The following HNRNPU variants were observed in gnomAD, a reference collection of about 807,000 sequenced individuals.
HNRNPU encodes the protein heterogeneous nuclear ribonucleoprotein U.
Under a neutral mutation model 94.7 loss-of-function variants are expected in HNRNPU, and 5 were observed. The observed-to-expected ratio is 0.05, with a 90% CI of 0.03 to 0.11. HNRNPU has a LOEUF of 0.11. HNRNPU is among the 10% of genes least tolerant of loss of function. The pLI is 1.00. For missense variants in HNRNPU, 710 were observed against 1,049.2 expected, an observed-to-expected ratio of 0.68 and a Z score of 4.47; for synonymous variants, 434 against 381.6, an observed-to-expected ratio of 1.14 and a Z score of -1.60.
rs978918523 is a variant in HNRNPU, at chr1:244,860,201, GAAGC to G, written c.1017+130_1017+133del. 2.9e-4 allele frequency: 189 copies of G among 655,232 alleles called. 2 individuals carry two copies. In the African/African-American group the frequency reaches 3.2e-3, roughly 11 times the overall value. 40.6% of individuals were successfully genotyped at this position (655,232 alleles called of 1,614,324 possible). ...TCTAGTCCGAGCTACTTGAGAGACT[GAAGC>G]AAGGAGAATCGCTTGAACCCAGGAC... On this transcript the variant is annotated intron_variant, in intron 4 of 13. Coordinates refer to ENST00000640218, the MANE Select transcript of HNRNPU (RefSeq NM_031844.3).
intron 3 of HNRNPU, 189 bp from the exon 4 acceptor site, chr1:244,860,663 GT>G: frequency 1.7e-6 from 1 of 588,982 alleles, no homozygotes; most frequent in East Asian, 2.9e-5. Flanking sequence ...GTTAAATTAT[GT>G]ACTGAAAAGT....
chr1:244,862,180 T>C (rs1680849209), intron 3 of HNRNPU: 1 of 339,294 alleles, frequency 2.9e-6, no homozygotes, highest in South Asian at 6.4e-5. Context: ...AAGTTTCCGT[T>C]AGCTAGTCAA....
At chr1:244,862,823 T>A in intron 1 of HNRNPU, 93 bp from the exon 2 acceptor site, 1 of 860,158 alleles carries the variant, frequency 1.2e-6, no homozygotes, top group Non-Finnish European at 2.0e-6. Flanking sequence ...GACTTTATCC[T>A]GCTTTTTAAC....
In HNRNPU at chr1:244,864,351, C is replaced by T. The variant is rs1318271444; in HGVS notation, c.-44G>A. 1.3e-6 allele frequency: 2 copies of T among 1,595,420 alleles called. No individual in the cohort carries two copies. The highest frequency in any genetic ancestry group is 2.7e-5 in the African/African-American group (2 of 73,338). ...CCGCTAGGCGCTGCCTCAAACTCGGCTCCGCTCACTCGGCCACTGGTGGCG... is the reference window on the plus strand; with the variant it reads ...CCGCTAGGCGCTGCCTCAAACTCGGTTCCGCTCACTCGGCCACTGGTGGCG... On this transcript the variant is annotated 5_prime_UTR_variant, in exon 1 of 14. Coordinates refer to ENST00000640218, the MANE Select transcript of HNRNPU (RefSeq NM_031844.3).
At chr1:244,855,175 T>C (rs1680645423) in intron 12 of HNRNPU, 131 bp from the exon 13 acceptor site, 4 of 772,976 alleles carry the variant, frequency 5.2e-6, no homozygotes, top group African/African-American at 1.7e-5. Flanking sequence ...ACACAAATTC[T>C]GGATACCCTC....
chr1:244,857,868 A>C (rs757278669), intron 7 of HNRNPU, 143 bp downstream of exon 7: 3 of 1,301,508 alleles, frequency 2.3e-6, no homozygotes, highest in Admixed American at 2.4e-5. Flanking sequence ...AACAGTCAAC[A>C]TAAGGGGGAA....
Position 244,858,239 on chromosome 1 carries a change from A to C in HNRNPU, c.1266T>G (p.Ala422=), listed in dbSNP as rs1680731392. 1 of 1,613,934 alleles carries C rather than the reference A, an allele frequency of 6.2e-7. No homozygotes were observed. The highest frequency in any genetic ancestry group is 1.7e-5 in the Admixed American group (1 of 60,004). ...FESDEVELSY[A]KNGQDLGVAF... is the part of the protein sequence containing the mutation. ...CAACGCCAAGATCTTGTCCATTCTT[A>C]GCATACGAGAGTTCTACTTCATCAC... is the stretch of plus-strand genomic sequence containing the variant. Residue 422 remains alanine, a synonymous_variant, in exon 7 of 14, where the codon GCT becomes GCG. Coordinates refer to ENST00000640218, the MANE Select transcript of HNRNPU (RefSeq NM_031844.3).
At chr1:244,862,364 A>G in intron 3 of HNRNPU, 97 bp downstream of exon 3, 1 of 822,088 alleles carries the variant, frequency 1.2e-6, no homozygotes, top group Non-Finnish European at 1.9e-6. Flanking sequence ...AAACTAACCC[A>G]AGTTTTGCTG....
rs945929804 is a variant in HNRNPU, at chr1:244,858,822, A to G, written c.1137T>C (p.Tyr379=). Residue 379 remains tyrosine (Y), a synonymous_variant, in exon 6 of 14, where the codon TAT becomes TAC. Coordinates refer to ENST00000640218, the MANE Select transcript of HNRNPU (RefSeq NM_031844.3). ...TTTTTATTCCTTTTAGAGAATACCC[A>G]TAAGAAAATTCTTCTTCACCTAAGA... ...GMLLGEEEFS[Y]GYSLKGIKTC... is the part of the protein sequence containing the mutation. 2.6e-6 allele frequency: 4 copies of G among 1,530,346 alleles called. No individual in the cohort carries two copies. The highest frequency in any genetic ancestry group is 1.4e-5 in the African/African-American group (1 of 73,054). 94.8% of individuals were successfully genotyped at this position (1,530,346 alleles called of 1,614,324 possible). A position where few individuals can be genotyped will look rare whatever the true frequency, so the allele number is the denominator to read the frequency against.
In HNRNPU at chr1:244,864,370, G is replaced by A; in HGVS notation, c.-63C>T. ...ACTCGGCTCCGCTCACTCGGCCACT[G>A]GTGGCGGCTGCTGCGGCTGCTCCTC... On this transcript the variant is annotated 5_prime_UTR_variant, in exon 1 of 14. Transcript: ENST00000640218. 3 of 1,587,752 alleles carry A rather than the reference G, an allele frequency of 1.9e-6. No individual in the cohort carries two copies. Among genetic ancestry groups the A allele is most frequent in the East Asian group, 4.5e-5 (2 of 44,068 alleles).
At chr1:244,861,982 GAAC>G (rs1680842936) in intron 3 of HNRNPU, 1 of 153,122 alleles carries the variant, frequency 6.5e-6, no homozygotes, top group Admixed American at 6.5e-5. Flanking sequence ...CTGGAATTGA[GAAC>G]AAAAGAGCAG....
rs1680639034 is a variant in HNRNPU at position 244,854,895 on chromosome 1, A to G, written c.2424+78T>C. 5 of 1,152,032 alleles carry G rather than the reference A, an allele frequency of 4.3e-6. No individual in the cohort carries two copies. The East Asian group carries it at 1.2e-4, about 27-fold the overall frequency. 71.4% of individuals were successfully genotyped at this position (1,152,032 alleles called of 1,614,324 possible). On this transcript the variant is annotated intron_variant, in intron 13 of 13. Coordinates refer to ENST00000640218, the MANE Select transcript of HNRNPU (RefSeq NM_031844.3). ...TTATAAACACTTCAATCCCTGAACA[A>G]GATCTTTTTCAAGACTGATAAATCT...
At position 244,851,150 on chromosome 1, in the gene HNRNPU, A is replaced by AAG. The variant is rs1258976493; in HGVS notation, c.*3298_*3299dup. On this transcript the variant is annotated 3_prime_UTR_variant, in exon 14 of 14. Coordinates refer to ENST00000640218, the MANE Select transcript of HNRNPU (RefSeq NM_031844.3). ...TGAAAACAAGACATTTATGTATAGG[A>AAG]AGAGAATTATGGAAACACTTTGTAA... is the stretch of plus-strand genomic sequence containing the variant. The AAG allele has an allele frequency of 6.6e-6, 1 of 152,246 alleles. No individual in the cohort carries two copies. The highest frequency in any genetic ancestry group is 6.5e-5 in the Admixed American group (1 of 15,288). The allele number at this position is 152,246 out of a possible 1,614,324, so 9.4% of individuals were successfully genotyped here.
rs1680581891 is a variant in HNRNPU at position 244,852,765 on chromosome 1, C to T, written c.*1685G>A. The T allele has an allele frequency of 6.6e-6, 1 of 152,144 alleles. No homozygotes were observed. Among genetic ancestry groups the T allele is most frequent in the South Asian group, 2.1e-4 (1 of 4,832 alleles). The allele number at this position is 152,144 out of a possible 1,614,324, so 9.4% of individuals were successfully genotyped here. ...ATGATCTGATTTTAAAGGGCTAAAA[C>T]AAAATTCTAAGCAATCAGAAATATA... On this transcript the variant is annotated 3_prime_UTR_variant, in exon 14 of 14. Coordinates refer to ENST00000640218, the MANE Select transcript of HNRNPU (RefSeq NM_031844.3).
chr1:244,862,562 AG>A, intron 2 of HNRNPU, 28 bp from the exon 3 acceptor site: 2 of 1,611,152 alleles, frequency 1.2e-6, no homozygotes, highest in Non-Finnish European at 1.7e-6. Flanking sequence ...CTCCTGATAC[AG>A]CTTTCCGATC....
rs910296482 is a variant in HNRNPU, at chr1:244,853,813, C to G, written c.*637G>C. On this transcript the variant is annotated 3_prime_UTR_variant, in exon 14 of 14. Coordinates refer to ENST00000640218, the MANE Select transcript of HNRNPU (RefSeq NM_031844.3). Reference sequence around the variant, plus strand: ...TTTTACATTTTTAACAGCCCTTCTACATACACTCCATCTTCTCTATCTTAG... The same window carrying G: ...TTTTACATTTTTAACAGCCCTTCTAGATACACTCCATCTTCTCTATCTTAG... 1 of 152,816 alleles carries G rather than the reference C, an allele frequency of 6.5e-6. No homozygotes were observed. The highest frequency in any genetic ancestry group is 1.5e-5 in the Non-Finnish European group (1 of 68,032). The allele number at this position is 152,816 out of a possible 1,614,324, so 9.5% of individuals were successfully genotyped here. A position where few individuals can be genotyped will look rare whatever the true frequency, so the allele number is the denominator to read the frequency against.
rs765424295 is a variant in HNRNPU at position 244,855,876 on chromosome 1, A to G, written c.2167+28T>C. 3 of 1,610,290 alleles carry G rather than the reference A, an allele frequency of 1.9e-6. No individual in the cohort carries two copies. In the Admixed American group the frequency reaches 5.1e-5, roughly 27 times the overall value. On this transcript the variant is annotated intron_variant, in intron 11 of 13. Transcript: ENST00000640218. Reference sequence around the variant, plus strand: ...TTATCACTTGTTTCGATCCTGAACTAAATACAGAACACTCAAAATTAACTT... The same window carrying G: ...TTATCACTTGTTTCGATCCTGAACTGAATACAGAACACTCAAAATTAACTT...
chr1:244,858,749 C>CA lies in HNRNPU; in HGVS notation c.1209dup (p.Asp404Ter). 6.3e-7 allele frequency: 1 copy of CA among 1,581,564 alleles called. No homozygotes were observed. Among genetic ancestry groups the CA allele is most frequent in the Non-Finnish European group, 8.7e-7 (1 of 1,151,040 alleles). On this transcript the variant is annotated frameshift_variant, in exon 6 of 14. Transcript: ENST00000640218. LOFTEE classifies it high-confidence loss of function. ...CTTACAGCAAAACATGTAATCACATCATTTTCATCAAACTTTTCTCCATAA... is the reference window on the plus strand; with the variant it reads ...CTTACAGCAAAACATGTAATCACATCAATTTTCATCAAACTTTTCTCCATAA...
chr1:244,860,304 A>G (rs1680793426), intron 4 of HNRNPU, 31 bp downstream of exon 4: 3 of 1,596,374 alleles, frequency 1.9e-6, no homozygotes, highest in Non-Finnish European at 2.6e-6. Context: ...GTCTCCACAA[A>G]CAAACAAACA....
Sources: allele counts gnomAD v4.1 joint callset, GRCh38; gene constraint gnomAD v4.1.1; transcripts MANE v1.5; gene names NCBI Gene and HGNC (gene_info 2026-07-23, HGNC 2026-07-21).